The following SWT1 variants were observed in gnomAD, a reference collection of about 807,000 sequenced individuals.
SWT1 encodes SWT1 RNA endoribonuclease homolog.
In SWT1, 33 loss-of-function variants were observed where a neutral mutation model predicts 107.3. The observed-to-expected ratio is 0.31, with a 90% CI of 0.23 to 0.41. The LOEUF is 0.41. Ranked by LOEUF, SWT1 falls within the 10% of genes least tolerant of loss-of-function variation. The pLI, the probability that SWT1 is intolerant of heterozygous loss-of-function variation, is 1.00. For synonymous variants in SWT1, 345 were observed against 348.3 expected, an observed-to-expected ratio of 0.99 and a Z score of 0.11; for missense variants, 898 against 1,028.9, an observed-to-expected ratio of 0.87 and a Z score of 1.74.
intron 16 of SWT1, chr1:185,263,948 A>G (rs1489285195): frequency 6.6e-6 from 1 of 152,260 alleles, no homozygotes; most frequent in Non-Finnish European, 1.5e-5. Context: ...ACTTCAGTCC[A>G]TAACAACAGC....
intron 16 of SWT1, among the ~76,000 whole-genome samples, chr1:185,259,903 C>T (rs1043246807): frequency 6.6e-6 from 1 of 152,110 alleles, no homozygotes; most frequent in African/African-American, 2.4e-5. Flanking sequence ...AAGAGAGATA[C>T]CCTGATGACC....
intron 2 of SWT1, among the ~76,000 whole-genome samples, chr1:185,164,569 A>G (rs1411684312): frequency 6.6e-6 from 1 of 152,212 alleles, no homozygotes; most frequent in East Asian, 1.9e-4. Flanking sequence ...TGTAGCTTCT[A>G]TGTTAGCATT....
intron 16 of SWT1, among the ~76,000 whole-genome samples, chr1:185,245,532 A>G (rs539733433): frequency 6.6e-6 from 1 of 152,326 alleles, no homozygotes; most frequent in Admixed American, 6.5e-5. Flanking sequence ...TAGAGTAAAT[A>G]TAGTAAATAC....
At chr1:185,269,623 A>G (rs553373886) in intron 16 of SWT1, among the ~76,000 whole-genome samples, 60 of 152,350 alleles carry the variant, frequency 3.9e-4, no homozygotes, top group African/African-American at 1.3e-3. Flanking sequence ...CAAGTCTGAC[A>G]GAATCAAGTA....
Position 185,221,893 on chromosome 1 carries a change from T to TAAA in SWT1, c.2169_2171dup (p.Lys724dup), listed in dbSNP as rs1659684958. 1.2e-6 allele frequency: 2 copies of TAAA among 1,607,296 alleles called. No homozygotes were observed. The highest frequency in any genetic ancestry group is 1.7e-6 in the Non-Finnish European group (2 of 1,177,984). On this transcript the variant is annotated inframe_insertion, in exon 15 of 19. Transcript: ENST00000367500. Reference sequence around the variant, plus strand: ...CAAATTCTTCAGAAAACACAGTGACTAAAAAGCAGGAAGGTACTTCATTGA... The same window carrying TAAA: ...CAAATTCTTCAGAAAACACAGTGACTAAAAAAAAGCAGGAAGGTACTTCATTGA...
At position 185,290,655 on chromosome 1, in the gene SWT1, A is replaced by G; in HGVS notation, c.2574-19A>G. 1.3e-6 allele frequency: 2 copies of G among 1,553,650 alleles called. No homozygotes were observed. Among genetic ancestry groups the G allele is most frequent in the Non-Finnish European group, 1.7e-6 (2 of 1,149,078 alleles). On this transcript the variant is annotated intron_variant, in intron 18 of 18. Coordinates refer to ENST00000367500, the MANE Select transcript of SWT1 (RefSeq NM_017673.7). Reference sequence around the variant, plus strand: ...TGACTAGCTGTCTTGCAATGATTTAATATTTCTTTTTCTCCTAGGGAAAAG... The same window carrying G: ...TGACTAGCTGTCTTGCAATGATTTAGTATTTCTTTTTCTCCTAGGGAAAAG...
At chr1:185,268,614 T>G (rs1157291568) in intron 16 of SWT1, among the ~76,000 whole-genome samples, 1 of 152,118 alleles carries the variant, frequency 6.6e-6, no homozygotes, top group African/African-American at 2.4e-5. Flanking sequence ...TAGTACATAT[T>G]TTACATTTTT....
At chr1:185,185,132 T>A (rs941357696) in intron 9 of SWT1, among the ~76,000 whole-genome samples, 3 of 152,244 alleles carry the variant, frequency 2.0e-5, no homozygotes, top group African/African-American at 7.2e-5. Flanking sequence ...TTTTACATTA[T>A]GTCTATATTT....
chr1:185,190,465 G>T, intron 9 of SWT1, 84 bp from the exon 10 acceptor site: 1 of 765,186 alleles, frequency 1.3e-6, no homozygotes, highest in Non-Finnish European at 2.3e-6. Flanking sequence ...AGATATTTTT[G>T]TTTTGTAAAT....
At position 185,174,898 on chromosome 1, in the gene SWT1, A is replaced by G; in HGVS notation, c.751A>G (p.Asn251Asp). Residue 251 changes from asparagine (N) to aspartate (D), a missense_variant, in exon 5 of 19, where the codon AAT (asparagine) becomes GAT (aspartate). Coordinates refer to ENST00000367500, the MANE Select transcript of SWT1 (RefSeq NM_017673.7). ...RDTLQKLVEENVFNIDSNNSK... is the reference protein window; with the variant it reads ...RDTLQKLVEEDVFNIDSNNSK... ...CACCCTCCAGAAACTTGTAGAAGAAAATGTCTTCAACATAGATTCTAATAA... is the reference window on the plus strand; with the variant it reads ...CACCCTCCAGAAACTTGTAGAAGAAGATGTCTTCAACATAGATTCTAATAA... The G allele has an allele frequency of 6.2e-7, 1 of 1,614,092 alleles. No homozygotes were observed. Among genetic ancestry groups the G allele is most frequent in the Non-Finnish European group, 8.5e-7 (1 of 1,179,992 alleles).
intron 5 of SWT1, chr1:185,176,766 C>T (rs1286133128): frequency 1.2e-5 from 9 of 773,700 alleles, no homozygotes; most frequent in Middle Eastern, 6.5e-4. Context: ...GGGCGGATCA[C>T]GAGGTCAGGA....
At chr1:185,179,924 G>A (rs890898050) in intron 5 of SWT1, among the ~76,000 whole-genome samples, 2 of 152,168 alleles carry the variant, frequency 1.3e-5, no homozygotes, top group South Asian at 2.1e-4. Context: ...TACGGCTCAC[G>A]CCTGTAATCC....
intron 16 of SWT1, among the ~76,000 whole-genome samples, chr1:185,269,001 C>T (rs185542487): frequency 0.01 from 1,595 of 151,920 alleles, 43 homozygotes; most frequent in East Asian, 0.095. Context: ...TACAGGCGCC[C>T]GCCACTACGC....
intron 16 of SWT1, among the ~76,000 whole-genome samples, chr1:185,270,778 T>C (rs1663800663): frequency 6.6e-6 from 1 of 152,226 alleles, no homozygotes; most frequent in Non-Finnish European, 1.5e-5. Flanking sequence ...CAATCAGTGT[T>C]ATTTTCACAA....
intron 16 of SWT1, among the ~76,000 whole-genome samples, chr1:185,256,312 A>G (rs1475097212): frequency 1.3e-5 from 2 of 149,470 alleles, no homozygotes; most frequent in African/African-American, 2.4e-5. Context: ...TATTTCCTGA[A>G]TCTGAATGTT....
At chr1:185,212,140 G>C (rs1658867833) in intron 13 of SWT1, among the ~76,000 whole-genome samples, 1 of 151,966 alleles carries the variant, frequency 6.6e-6, no homozygotes, top group South Asian at 2.1e-4. Flanking sequence ...ACACCAACAT[G>C]GCACATATAT....
intron 16 of SWT1, among the ~76,000 whole-genome samples, chr1:185,257,434 C>T (rs367590391): frequency 3.3e-5 from 5 of 152,120 alleles, no homozygotes; most frequent in East Asian, 3.9e-4. Flanking sequence ...ATCAGCGAGA[C>T]TCCGTGGGCG....
chr1:185,289,749 A>G (rs980528248), intron 18 of SWT1, among the ~76,000 whole-genome samples: 1 of 152,214 alleles, frequency 6.6e-6, no homozygotes, highest in African/African-American at 2.4e-5. Context: ...AACCAGGCAC[A>G]GAAAGACAGA....
intron 1 of SWT1, 200 bp downstream of exon 1, chr1:185,157,514 C>T (rs1342506566): frequency 6.6e-6 from 1 of 151,584 alleles, no homozygotes; most frequent in Non-Finnish European, 1.5e-5. Context: ...GCCTCCGGGG[C>T]TGCCCCTTGC....
Sources: gnomAD v4.1 joint callset for allele counts (sites outside exome capture counted in the v4.1 genomes callset) on GRCh38, gnomAD v4.1.1 for gene constraint, MANE v1.5 for transcripts, NCBI Gene and HGNC (gene_info 2026-07-23, HGNC 2026-07-21) for gene names.